The following PLAGL1 variants were observed in gnomAD, a reference collection of about 807,000 sequenced individuals.
PLAGL1 encodes zinc finger protein PLAGL1.
In PLAGL1, 1 loss-of-function variant was observed where a neutral mutation model predicts 4.6. That is an observed-to-expected ratio of 0.22 (90% CI 0.08 to 1.03). PLAGL1 has a LOEUF of 1.03. Among genes scored for constraint, PLAGL1 ranks in the 50% least tolerant of loss-of-function variants. The probability of loss-of-function intolerance (pLI) is 0.58; values close to 1 mark genes in which losing one functional copy is unlikely to be tolerated. For synonymous variants in PLAGL1, 240 were observed against 237.8 expected, an observed-to-expected ratio of 1.01 and a Z score of -0.08; for missense variants, 464 against 570.4, an observed-to-expected ratio of 0.81 and a Z score of 1.90.
rs1273056485 is a variant in PLAGL1, at chr6:143,948,028, G to C, written c.109C>G (p.Pro37Ala). ...GAAACAAAGGCTTTGCCACAGTCAG[G>C]CTGCACACACTTGTACGGCCGCTCC... ...SRERPYKCVQ[P>A]DCGKAFVSRY... The change falls in exon 7 of 8, where the codon CCT (proline) becomes GCT (alanine). Residue 37 changes from proline to alanine, a missense_variant. Transcript: ENST00000674357. The surrounding 1 kb of genome is among the most constrained non-coding windows in gnomAD (Gnocchi z 6.0). 1.2e-6 allele frequency: 2 copies of C among 1,614,058 alleles called. No individual in the cohort carries two copies. The highest frequency in any genetic ancestry group is 1.7e-6 in the Non-Finnish European group (2 of 1,179,922).
At chr6:144,043,386 G>A (rs951739963) in intron 1 of PLAGL1, among the ~76,000 whole-genome samples, 1 of 152,102 alleles carries the variant, frequency 6.6e-6, no homozygotes, top group Non-Finnish European at 1.5e-5. Flanking sequence ...TAGCATGAAG[G>A]GCTGTTGAAT....
Position 143,954,594 on chromosome 6 carries a change from T to G in PLAGL1, c.-325+5875A>C, listed in dbSNP as rs1781740618. On this transcript the variant is annotated intron_variant, in intron 6 of 7. Transcript: ENST00000674357. The surrounding 1 kb of genome is among the most constrained non-coding windows in gnomAD (Gnocchi z 5.1). Reference sequence around the variant, plus strand: ...GACTAAATGGTTAAAATATGTATCATTTCACCAAGAAACATGAAAGGAGAG... The same window carrying G: ...GACTAAATGGTTAAAATATGTATCAGTTCACCAAGAAACATGAAAGGAGAG... Among the ~76,000 whole-genome samples, 1 of 152,206 alleles carries G rather than the reference T, an allele frequency of 6.6e-6. No individual in the cohort carries two copies. Among genetic ancestry groups the G allele is most frequent in the Non-Finnish European group, 1.5e-5 (1 of 68,038 alleles).
At position 144,027,292 on chromosome 6, in the gene PLAGL1, A is replaced by AAGT. The variant is rs1796445000; in HGVS notation, c.-151+37175_-151+37176insACT. Among the ~76,000 whole-genome samples the AAGT allele has an allele frequency of 1.4e-5, 2 of 142,492 alleles. No individual in the cohort carries two copies. Among genetic ancestry groups the AAGT allele is most frequent in the Admixed American group, 7.4e-5 (1 of 13,538 alleles). The allele number at this position is 142,492 out of a possible 152,430, so 93.5% of individuals were successfully genotyped here. On this transcript the variant is annotated intron_variant, in intron 1 of 3. Coordinates refer to the PLAGL1 transcript ENST00000437412. This position sits in a 1 kb window ranked among gnomAD's most constrained non-coding sequence, Gnocchi z 5.8. The stretch of plus-strand genomic sequence containing the variant: ...GAAAGAAAGAAAGAAAGAAAGAAAG[A>AAGT]AAGTTATTTGATCTGAAGTACAATG...
intron 7 of PLAGL1, among the ~76,000 whole-genome samples, chr6:143,946,411 G>A (rs971486756): frequency 2.0e-5 from 3 of 152,142 alleles, no homozygotes; most frequent in African/African-American, 4.8e-5. Flanking sequence ...CTTACCCTCC[G>A]CACACGCAAG....
intron 1 of PLAGL1, among the ~76,000 whole-genome samples, chr6:144,041,187 C>CTA (rs1015562476): frequency 1.2e-4 from 18 of 151,928 alleles, no homozygotes; most frequent in Admixed American, 8.5e-4. Flanking sequence ...TTCCAACTTT[C>CTA]TATATATATA....
intron 1 of PLAGL1, among the ~76,000 whole-genome samples, chr6:144,051,946 A>T (rs1798612065): frequency 1.3e-5 from 2 of 152,166 alleles, no homozygotes; most frequent in African/African-American, 4.8e-5. Context: ...ACACAGCCAA[A>T]CCATATCACA....
chr6:144,035,271 A>G (rs1006949812), intron 1 of PLAGL1, among the ~76,000 whole-genome samples: 4 of 152,204 alleles, frequency 2.6e-5, no homozygotes, highest in Admixed American at 2.6e-4. Context: ...TCCAAGCACC[A>G]AAAACTCAAA....
chr6:143,988,162 C>T (rs1012636881), intron 1 of PLAGL1, among the ~76,000 whole-genome samples: 1 of 152,198 alleles, frequency 6.6e-6, no homozygotes, highest in African/African-American at 2.4e-5. Flanking sequence ...TAAACACAGT[C>T]ATCTGGTGGT....
At chr6:144,033,989 T>C (rs920488029) in intron 1 of PLAGL1, among the ~76,000 whole-genome samples, 1 of 152,168 alleles carries the variant, frequency 6.6e-6, no homozygotes, top group Non-Finnish European at 1.5e-5. Flanking sequence ...TTGCTAGAGA[T>C]GAAAGATACA....
At chr6:144,041,927 G>A (rs535326284) in intron 1 of PLAGL1, among the ~76,000 whole-genome samples, 1 of 152,320 alleles carries the variant, frequency 6.6e-6, no homozygotes, top group African/African-American at 2.4e-5. Context: ...TTTCTCTGAT[G>A]ACCAAGTGAT....
chr6:144,021,716 G>A (rs1351482584), intron 1 of PLAGL1, among the ~76,000 whole-genome samples: 2 of 152,200 alleles, frequency 1.3e-5, no homozygotes. Context: ...TTACAGTTGA[G>A]CTTTTAGGCA....
At position 144,027,230 on chromosome 6, in the gene PLAGL1, C is replaced by CGAAAGAAAGAAA. The variant is rs761735778; in HGVS notation, c.-151+37237_-151+37238insTTTCTTTCTTTC. ...CAGAGAAAGACCCCAACTCAAAGAA[C>CGAAAGAAAGAAA]GAACGAAAGAAAGAAAGAAAGAAAG... On this transcript the variant is annotated intron_variant, in intron 1 of 3. Transcript: ENST00000437412. This position sits in a 1 kb window ranked among gnomAD's most constrained non-coding sequence, Gnocchi z 5.8. Among the ~76,000 whole-genome samples the CGAAAGAAAGAAA allele has an allele frequency of 0.022, 2,205 of 98,668 alleles. 43 individuals carry two copies. Among genetic ancestry groups the CGAAAGAAAGAAA allele is most frequent in the African/African-American group, 0.044 (1,044 of 23,946 alleles). The allele number at this position is 98,668 out of a possible 152,430, so 64.7% of individuals were successfully genotyped here. A position where few individuals can be genotyped will look rare whatever the true frequency, so the allele number is the denominator to read the frequency against.
At position 144,050,826 on chromosome 6, in the gene PLAGL1, G is replaced by C. The variant is rs1177898267; in HGVS notation, c.-151+13642C>G. Among the ~76,000 whole-genome samples, 1 of 152,164 alleles carries C rather than the reference G, an allele frequency of 6.6e-6. No homozygotes were observed. The highest frequency in any genetic ancestry group is 1.5e-5 in the Non-Finnish European group (1 of 68,040). On this transcript the variant is annotated intron_variant, in intron 1 of 3. Coordinates refer to the PLAGL1 transcript ENST00000437412. The surrounding 1 kb of genome is among the most constrained non-coding windows in gnomAD (Gnocchi z 4.3). The stretch of plus-strand genomic sequence containing the variant: ...GTGGCAGGATCACTTGAGTCTGTGA[G>C]TTTCAGGCTGTAGTAAACTACAATT...
chr6:144,013,594 G>A lies in PLAGL1; in HGVS notation c.-150-44616C>T, dbSNP rs1449566118. 2.0e-5 allele frequency among the ~76,000 whole-genome samples: 3 copies of A among 152,230 alleles called. No homozygotes were observed. The highest frequency in any genetic ancestry group is 4.4e-5 in the Non-Finnish European group (3 of 68,038). ...AATCAAGATATCAGCAAAGGCCGCA[G>A]GCGCCATCTAGTGGCTCTAGTGGAG... is the stretch of plus-strand genomic sequence containing the variant. On this transcript the variant is annotated intron_variant, in intron 1 of 3. Transcript: ENST00000437412. This position sits in a 1 kb window ranked among gnomAD's most constrained non-coding sequence, Gnocchi z 4.4.
chr6:143,973,509 T>C lies in PLAGL1; in HGVS notation c.-543-4531A>G, dbSNP rs1785816183. On this transcript the variant is annotated intron_variant, in intron 2 of 7. Coordinates refer to ENST00000674357, the MANE Select transcript of PLAGL1 (RefSeq NM_001317162.2). The surrounding 1 kb of genome is among the most constrained non-coding windows in gnomAD (Gnocchi z 6.2). The stretch of plus-strand genomic sequence containing the variant: ...GAAGTCCTCTGCTTCTAGGGCCTGC[T>C]GAGCTTCAATGGCCCCCTGACATTC... Among the ~76,000 whole-genome samples the C allele has an allele frequency of 6.6e-6, 1 of 152,194 alleles. No individual in the cohort carries two copies. The highest frequency in any genetic ancestry group is 2.4e-5 in the African/African-American group (1 of 41,446).
At chr6:143,993,076 AGGCG>A (rs1161200990) in intron 1 of PLAGL1, among the ~76,000 whole-genome samples, 1 of 151,522 alleles carries the variant, frequency 6.6e-6, no homozygotes, top group African/African-American at 2.4e-5. Flanking sequence ...TGGGAGGCCA[AGGCG>A]GGAGGATCAT....
Position 143,960,704 on chromosome 6 carries a change from A to G in PLAGL1, c.-398-162T>C, listed in dbSNP as rs1182784217. 1 of 152,200 alleles carries G rather than the reference A, an allele frequency of 6.6e-6. No individual in the cohort carries two copies. Among genetic ancestry groups the G allele is most frequent in the Non-Finnish European group, 1.5e-5 (1 of 68,036 alleles). 9.4% of individuals were successfully genotyped at this position (152,200 alleles called of 1,614,324 possible). On this transcript the variant is annotated intron_variant, in intron 5 of 7. Transcript: ENST00000674357. This position sits in a 1 kb window ranked among gnomAD's most constrained non-coding sequence, Gnocchi z 5.7. The stretch of plus-strand genomic sequence containing the variant: ...ATGCATTTTAATAGATGATCTTTAA[A>G]CACTCATATCCTTTGTCCTACTTGC...
upstream of PLAGL1, among the ~76,000 whole-genome samples, chr6:144,009,330 T>G (rs940927023): frequency 6.6e-6 from 1 of 152,208 alleles, no homozygotes; most frequent in Admixed American, 6.5e-5. Flanking sequence ...TGAATTTTTA[T>G]TTTTATTTAG....
intron 1 of PLAGL1, among the ~76,000 whole-genome samples, chr6:144,057,627 T>C (rs908822126): frequency 6.6e-6 from 1 of 152,222 alleles, no homozygotes; most frequent in African/African-American, 2.4e-5. Context: ...AATCTTTCTC[T>C]GAAAATGCCA....
Sources: allele counts gnomAD v4.1 joint callset (sites outside exome capture counted in the v4.1 genomes callset), GRCh38; gene constraint gnomAD v4.1.1; non-coding constraint Gnocchi (gnomAD v3.1); transcripts MANE v1.5; gene names NCBI Gene and HGNC (gene_info 2026-07-23, HGNC 2026-07-21).